The following GPM6A variants were observed in gnomAD, a reference collection of about 807,000 sequenced individuals.
GPM6A encodes the protein neuronal membrane glycoprotein M6-a.
GPM6A carries 7 observed loss-of-function variants against 32.1 expected under a neutral mutation model. That is an observed-to-expected ratio of 0.22 (90% CI 0.12 to 0.41). The LOEUF (loss-of-function observed/expected upper bound fraction) is 0.41, where lower values mean the gene tolerates loss of function less well. GPM6A is among the 10% of genes least tolerant of loss of function. The pLI, the probability that GPM6A is intolerant of heterozygous loss-of-function variation, is 1.00. For synonymous variants in GPM6A, 130 were observed against 123.4 expected (o/e 1.05, Z -0.35); for missense variants, 235 against 347.2 (o/e 0.68, Z 2.57).
chr4:175,858,724 G>A (rs1281368236), intron 1 of GPM6A, among the ~76,000 whole-genome samples: 1 of 152,102 alleles, frequency 6.6e-6, no homozygotes, highest in East Asian at 1.9e-4. Flanking sequence ...ACATCTAGGT[G>A]TATACCCAAG....
chr4:175,706,447 C>G (rs944421687), intron 1 of GPM6A, among the ~76,000 whole-genome samples: 27 of 152,122 alleles, frequency 1.8e-4, no homozygotes, highest in African/African-American at 5.3e-4. Context: ...GAGAGGCCAA[C>G]AAAATTGTGG....
intron 1 of GPM6A, among the ~76,000 whole-genome samples, chr4:175,877,306 C>A (rs910572984): frequency 3.3e-5 from 5 of 152,094 alleles, no homozygotes; most frequent in African/African-American, 1.2e-4. Context: ...AAAAGTAATT[C>A]TAGATGTACA....
At chr4:175,950,727 G>A (rs1381987811) in intron 1 of GPM6A, among the ~76,000 whole-genome samples, 1 of 152,088 alleles carries the variant, frequency 6.6e-6, no homozygotes, top group African/African-American at 2.4e-5. Context: ...TTAGAGAAAT[G>A]TATTATTTTC....
intron 1 of GPM6A, chr4:175,970,907 T>C (rs1330946440): frequency 2.5e-6 from 1 of 399,624 alleles, no homozygotes; most frequent in East Asian, 8.1e-5. Context: ...GACAGACCCT[T>C]TTTTTTCCCA....
chr4:175,990,933 C>A (rs1741118035), intron 1 of GPM6A, among the ~76,000 whole-genome samples: 1 of 152,004 alleles, frequency 6.6e-6, no homozygotes, highest in South Asian at 2.1e-4. Flanking sequence ...ACCTAAGGAA[C>A]CAACTACTTA....
At position 175,766,597 on chromosome 4, in the gene GPM6A, T is replaced by C. The variant is rs1197018864; in HGVS notation, c.37+45594A>G. On this transcript the variant is annotated intron_variant, in intron 1 of 6. Coordinates refer to ENST00000393658, the MANE Select transcript of GPM6A (RefSeq NM_201591.3). ...AATATACCTATCATTGATGCAGTGC[T>C]CTCTGCAGAGCACATTGTCTAATGA... is the stretch of plus-strand genomic sequence containing the variant. 2.0e-5 allele frequency among the ~76,000 whole-genome samples: 3 copies of C among 152,110 alleles called. No homozygotes were observed. In the South Asian group the frequency reaches 6.2e-4, roughly 32 times the overall value.
At chr4:175,663,065 G>A (rs926412230) in intron 3 of GPM6A, among the ~76,000 whole-genome samples, 3 of 151,996 alleles carry the variant, frequency 2.0e-5, no homozygotes, top group South Asian at 2.1e-4. Context: ...TTTCTAAAGC[G>A]CAAAACTAAT....
At chr4:175,816,541 G>C (rs1367483566), upstream of GPM6A, among the ~76,000 whole-genome samples, 3 of 152,138 alleles carry the variant, frequency 2.0e-5, no homozygotes, top group African/African-American at 7.2e-5. Flanking sequence ...AAGAAGTTGT[G>C]GTTCCAAATA....
chr4:175,896,753 A>G (rs1737804816), intron 1 of GPM6A, among the ~76,000 whole-genome samples: 1 of 152,146 alleles, frequency 6.6e-6, no homozygotes. Flanking sequence ...GGAGAAATAC[A>G]TAAAATAATA....
At position 175,764,671 on chromosome 4, in the gene GPM6A, C is replaced by T. The variant is rs570502466; in HGVS notation, c.37+47520G>A. ...ACTATGAAACTCACTGTTTCAAAAA[C>T]ATAATAAAAACATCAGAATTGATAG... is the stretch of plus-strand genomic sequence containing the variant. On this transcript the variant is annotated intron_variant, in intron 1 of 6. Transcript: ENST00000393658. Among the ~76,000 whole-genome samples the T allele has an allele frequency of 7.2e-5, 11 of 152,112 alleles. No individual in the cohort carries two copies. The South Asian group carries it at 1.2e-3, about 17-fold the overall frequency.
intron 1 of GPM6A, among the ~76,000 whole-genome samples, chr4:175,957,865 T>C (rs1740037889): frequency 6.6e-6 from 1 of 152,236 alleles, no homozygotes; most frequent in African/African-American, 2.4e-5. Context: ...TCACAGTTTC[T>C]AAGTAATTGC....
At chr4:175,978,159 A>G (rs561232548) in intron 1 of GPM6A, among the ~76,000 whole-genome samples, 3 of 152,342 alleles carry the variant, frequency 2.0e-5, no homozygotes, top group Admixed American at 6.5e-5. Flanking sequence ...AAATAGGTTT[A>G]ATTGACTCAC....
chr4:175,674,011 T>G (rs545147057), intron 2 of GPM6A, among the ~76,000 whole-genome samples, 175 bp from the exon 3 acceptor site: 134 of 152,318 alleles, frequency 8.8e-4, no homozygotes, highest in African/African-American at 3.2e-3. Flanking sequence ...TATATACAAT[T>G]TTTTTGCTGC....
At chr4:175,776,780 T>C (rs1198580336) in intron 1 of GPM6A, among the ~76,000 whole-genome samples, 1 of 152,186 alleles carries the variant, frequency 6.6e-6, no homozygotes, top group Non-Finnish European at 1.5e-5. Flanking sequence ...TACACTTTAA[T>C]ATATACAAAG....
intron 6 of GPM6A, 28 bp from the exon 7 acceptor site, chr4:175,635,085 T>C: frequency 6.3e-7 from 1 of 1,593,678 alleles, no homozygotes; most frequent in Non-Finnish European, 8.6e-7. Flanking sequence ...TAATTTATAT[T>C]GGAAGTTTGT....
At chr4:175,706,847 A>T (rs1003888074) in intron 1 of GPM6A, among the ~76,000 whole-genome samples, 2 of 152,192 alleles carry the variant, frequency 1.3e-5, no homozygotes, top group African/African-American at 4.8e-5. Context: ...GGTGTAGTAA[A>T]GAAGCCAGCT....
chr4:175,865,710 CT>C (rs368760810), intron 1 of GPM6A, among the ~76,000 whole-genome samples: 4,189 of 152,138 alleles, frequency 0.028, 74 homozygotes, highest in South Asian at 0.069. Flanking sequence ...GTTTTTGAGA[CT>C]TTTTTTCTTA....
chr4:175,809,423 G>T (rs941744898), intron 1 of GPM6A, among the ~76,000 whole-genome samples: 1 of 149,634 alleles, frequency 6.7e-6, no homozygotes, highest in African/African-American at 2.5e-5. Flanking sequence ...TGTTTTGGCT[G>T]CACACAAGAT....
At chr4:175,747,752 G>A (rs1390465229) in intron 1 of GPM6A, among the ~76,000 whole-genome samples, 3 of 152,084 alleles carry the variant, frequency 2.0e-5, no homozygotes, top group Non-Finnish European at 4.4e-5. Flanking sequence ...CTGAAGGTTA[G>A]GGTGGCTGTG....
Sources: allele counts gnomAD v4.1 joint callset (sites outside exome capture counted in the v4.1 genomes callset), GRCh38; gene constraint gnomAD v4.1.1; transcripts MANE v1.5; gene names NCBI Gene and HGNC (gene_info 2026-07-23, HGNC 2026-07-21).